Variants in IQGAP1 observed in about 807,000 individuals in gnomAD.
The protein encoded by IQGAP1 is ras GTPase-activating-like protein IQGAP1.
A neutral mutation model predicts 215.6 loss-of-function variants in IQGAP1; 66 were observed. The ratio of observed to expected loss-of-function variants is 0.31; its 90% CI spans 0.25 to 0.38. The LOEUF (loss-of-function observed/expected upper bound fraction) is 0.38, where lower values mean the gene tolerates loss of function less well. Ranked by LOEUF, IQGAP1 falls within the 10% of genes least tolerant of loss-of-function variation. IQGAP1 has a pLI of 1.00. For synonymous variants in IQGAP1, 772 were observed against 728.7 expected, an observed-to-expected ratio of 1.06 and a Z score of -0.96; for missense variants, 1,712 against 1,997.1, an observed-to-expected ratio of 0.86 and a Z score of 2.72.
In IQGAP1 at chr15:90,482,023, A is replaced by G; in HGVS notation, c.3393A>G (p.Leu1131=). 1.2e-6 allele frequency: 2 copies of G among 1,614,248 alleles called. No individual in the cohort carries two copies. The highest frequency in any genetic ancestry group is 1.1e-5 in the South Asian group (1 of 91,088). Residue 1131 remains leucine, a synonymous_variant, in exon 27 of 38, where the codon CTA becomes CTG. Coordinates refer to ENST00000268182, the MANE Select transcript of IQGAP1 (RefSeq NM_003870.4). The part of the protein sequence containing the change: ...ALAHEEVKTR[L]DSSIRNMRAV... ...CTCATGAAGAAGTGAAGACACGGCT[A>G]GACAGCTCCATCAGGAACATGCGGG...
intron 2 of IQGAP1, among the ~76,000 whole-genome samples, chr15:90,424,533 AGTAGATTTAAAAGC>A (rs1965193265): frequency 6.6e-6 from 1 of 152,228 alleles, no homozygotes; most frequent in South Asian, 2.1e-4. Context: ...TTAAAGGTAG[AGTAGATTTAAAAGC>A]AAGACTGAGC....
chr15:90,419,187 C>T (rs1251418503), intron 2 of IQGAP1, among the ~76,000 whole-genome samples: 1 of 150,084 alleles, frequency 6.7e-6, no homozygotes, highest in Non-Finnish European at 1.5e-5. Flanking sequence ...ATCACACCAA[C>T]TTGGGTTCAA....
chr15:90,429,568 A>C, intron 3 of IQGAP1, 21 bp from the exon 4 acceptor site: 1 of 1,548,536 alleles, frequency 6.5e-7, no homozygotes, highest in South Asian at 1.2e-5. Context: ...AATAATACCT[A>C]ATTTTCTTTT....
intron 22 of IQGAP1, 150 bp from the exon 23 acceptor site, chr15:90,474,335 G>C: frequency 2.6e-6 from 2 of 768,470 alleles, no homozygotes; most frequent in Non-Finnish European, 4.3e-6. Flanking sequence ...CATAGCAATA[G>C]CCTGACACAG....
chr15:90,494,710 CAG>C lies in IQGAP1; in HGVS notation c.4629_4630del. 2 of 1,599,654 alleles carry C rather than the reference CAG, an allele frequency of 1.3e-6. No homozygotes were observed. Among genetic ancestry groups the C allele is most frequent in the Non-Finnish European group, 8.5e-7 (1 of 1,174,244 alleles). ...AGAAAGTGACATGATGTGATTTTTA[CAG>C]AGTCTCCAAAAAGCCTAGGGAAATG... On this transcript the variant is annotated splice_acceptor_variant, in intron 35 of 37. Transcript: ENST00000268182. LOFTEE classifies it high-confidence loss of function.
In IQGAP1 at chr15:90,451,153, A is replaced by C. The variant is rs996758225; in HGVS notation, c.1162+1510A>C. On this transcript the variant is annotated intron_variant, in intron 11 of 37. Transcript: ENST00000268182. Reference sequence around the variant, plus strand: ...GATTTATTTTTGTATATTATGAGAGATAGGGATCTAGCTTTATTCTTCTGC... The same window carrying C: ...GATTTATTTTTGTATATTATGAGAGCTAGGGATCTAGCTTTATTCTTCTGC... Among the ~76,000 whole-genome samples the C allele has an allele frequency of 5.3e-5, 8 of 152,240 alleles. No homozygotes were observed. In the East Asian group the frequency reaches 1.5e-3, roughly 29 times the overall value.
In IQGAP1 at chr15:90,388,352, C is replaced by T. The variant is rs781475321; in HGVS notation, c.11C>T (p.Ala4Val). MSA[A>V]DEVDGLGVAR... ...TCGGGCTCGTCCGCCATGTCCGCCGCAGACGAGGTTGACGGGCTGGGCGTG... is the reference window on the plus strand; with the variant it reads ...TCGGGCTCGTCCGCCATGTCCGCCGTAGACGAGGTTGACGGGCTGGGCGTG... Residue 4 changes from alanine (A) to valine (V), a missense_variant, in exon 1 of 38, where the codon GCA (alanine) becomes GTA (valine). Around this residue, in one of 2 missense-constraint regions of IQGAP1, gnomAD observed 1,021 missense variants for 1,074.2 expected, o/e 0.95. Transcript: ENST00000268182. 4.7e-5 allele frequency: 75 copies of T among 1,595,880 alleles called. 1 individual carries two copies. Among genetic ancestry groups the T allele is most frequent in the Admixed American group, 3.4e-5 (2 of 59,194 alleles).
At chr15:90,488,178 AC>A (rs1966154036) in intron 33 of IQGAP1, among the ~76,000 whole-genome samples, 1 of 152,104 alleles carries the variant, frequency 6.6e-6, no homozygotes, top group Admixed American at 6.5e-5. Flanking sequence ...CCAAGATCGC[AC>A]CACTGCACTC....
Position 90,456,158 on chromosome 15 carries a change from T to C in IQGAP1, c.1619T>C (p.Leu540Ser). Reference sequence around the variant, plus strand: ...TCTGTCTCTTTATATTTAGGGATTTTAGCCATTGGTTTAATTAATGAAGCC... The same window carrying C: ...TCTGTCTCTTTATATTTAGGGATTTCAGCCATTGGTTTAATTAATGAAGCC... ...LVVQEEHERI[L>S]AIGLINEALD... Residue 540 changes from leucine (L) to serine (S), a missense_variant, in exon 15 of 38, where the codon TTA (leucine) becomes TCA (serine). By Grantham distance (145) the Leu-to-Ser change is moderately radical. This residue lies in a region of IQGAP1 where 1,021 missense variants were observed against 1,074.2 expected (regional missense o/e 0.95). Transcript: ENST00000268182. The C allele has an allele frequency of 6.2e-7, 1 of 1,613,204 alleles. No individual in the cohort carries two copies. Among genetic ancestry groups the C allele is most frequent in the South Asian group, 1.1e-5 (1 of 90,942 alleles).
chr15:90,439,581 C>G (rs1479681720), intron 6 of IQGAP1, among the ~76,000 whole-genome samples, 182 bp downstream of exon 6: 3 of 151,400 alleles, frequency 2.0e-5, no homozygotes, highest in African/African-American at 7.4e-5. Flanking sequence ...ATTTCAAGCT[C>G]TGTTCTCTCA....
intron 30 of IQGAP1, among the ~76,000 whole-genome samples, chr15:90,485,392 G>T (rs1252867963): frequency 1.3e-5 from 2 of 152,084 alleles, no homozygotes; most frequent in Non-Finnish European, 2.9e-5. Flanking sequence ...ATGACTTTGG[G>T]TATTGAACTT....
At chr15:90,407,610 A>G (rs761508574) in intron 2 of IQGAP1, among the ~76,000 whole-genome samples, 1 of 152,340 alleles carries the variant, frequency 6.6e-6, no homozygotes, top group Admixed American at 6.5e-5. Context: ...GAAGATTGTT[A>G]TGTTCTAACC....
rs1300485323 is a variant in IQGAP1, at chr15:90,501,617, A to G, written c.*1509A>G. 1 of 152,218 alleles carries G rather than the reference A, an allele frequency of 6.6e-6. No homozygotes were observed. Among genetic ancestry groups the G allele is most frequent in the African/African-American group, 2.4e-5 (1 of 41,442 alleles). 9.4% of individuals were successfully genotyped at this position (152,218 alleles called of 1,614,324 possible). Reference sequence around the variant, plus strand: ...AGTATTTTTATGAGACTCTTTACTCAGGTGCATGGTTACAGCCCACAGGGA... The same window carrying G: ...AGTATTTTTATGAGACTCTTTACTCGGGTGCATGGTTACAGCCCACAGGGA... On this transcript the variant is annotated 3_prime_UTR_variant, in exon 38 of 38. Transcript: ENST00000268182.
At chr15:90,453,889 A>C (rs1472111325) in intron 13 of IQGAP1, among the ~76,000 whole-genome samples, 1 of 152,212 alleles carries the variant, frequency 6.6e-6, no homozygotes, top group Non-Finnish European at 1.5e-5. Flanking sequence ...GGCATATAAA[A>C]CCCACTTTTC....
chr15:90,436,738 G>C (rs1299543622), intron 5 of IQGAP1, among the ~76,000 whole-genome samples: 1 of 152,248 alleles, frequency 6.6e-6, no homozygotes, highest in Admixed American at 6.5e-5. Flanking sequence ...ATAAGTTTCA[G>C]TGTGAAGCTA....
chr15:90,473,107 G>A, intron 19 of IQGAP1, 97 bp downstream of exon 19: 1 of 1,139,066 alleles, frequency 8.8e-7, no homozygotes, highest in East Asian at 2.4e-5. Context: ...TGTGTTTTTT[G>A]AGTGCTGGAC....
At chr15:90,455,430 G>A (rs895008756) in intron 14 of IQGAP1, among the ~76,000 whole-genome samples, 9 of 152,128 alleles carry the variant, frequency 5.9e-5, no homozygotes, top group African/African-American at 1.2e-4. Context: ...AGGTGTGGGC[G>A]GAGGGGCCCA....
chr15:90,473,469 C>CT, intron 19 of IQGAP1: 1 of 483,312 alleles, frequency 2.1e-6, no homozygotes, highest in East Asian at 3.8e-5. Context: ...GTAAATGAAT[C>CT]TGTATGGCTG....
At chr15:90,464,041 T>G (rs974348562) in intron 15 of IQGAP1, among the ~76,000 whole-genome samples, 11 of 152,222 alleles carry the variant, frequency 7.2e-5, no homozygotes, top group Admixed American at 2.6e-4. Flanking sequence ...CCTGCCTCAT[T>G]TAGGCACATA....
Sources: allele counts gnomAD v4.1 joint callset (sites outside exome capture counted in the v4.1 genomes callset), GRCh38; gene constraint gnomAD v4.1.1; regional missense constraint gnomAD v4.1.1; transcripts MANE v1.5; gene names NCBI Gene and HGNC (gene_info 2026-07-23, HGNC 2026-07-21).